KCNK2: variants seen among roughly 807,000 people sequenced by gnomAD.
The protein encoded by KCNK2 is potassium two pore domain channel subfamily K member 2, also known as potassium channel subfamily K member 2.
In KCNK2, 21 loss-of-function variants were observed where a neutral mutation model predicts 40.5. The observed-to-expected ratio is 0.52, with a 90% CI of 0.37 to 0.75. The LOEUF is 0.75. Ranked by LOEUF, KCNK2 falls within the 30% of genes least tolerant of loss-of-function variation. The pLI is 0.00. For synonymous variants in KCNK2, 191 were observed against 202.2 expected (o/e 0.94, Z 0.47); for missense variants, 399 against 531.6 (o/e 0.75, Z 2.45).
chr1:215,196,697 G>A (rs901445973), intron 6 of KCNK2, among the ~76,000 whole-genome samples: 3 of 152,082 alleles, frequency 2.0e-5, no homozygotes, highest in African/African-American at 7.2e-5. Context: ...TGTGGTGTGT[G>A]TGGGGGCGGT....
rs1659266256 is a variant in KCNK2 at position 215,083,373 on chromosome 1, T to C, written c.-13T>C. 2 of 1,614,134 alleles carry C rather than the reference T, an allele frequency of 1.2e-6. No individual in the cohort carries two copies. The highest frequency in any genetic ancestry group is 1.7e-6 in the Non-Finnish European group (2 of 1,180,004). On this transcript the variant is annotated 5_prime_UTR_variant, in exon 1 of 7. The change abolishes an upstream ATG in the 5' untranslated region. Coordinates refer to ENST00000444842, the MANE Select transcript of KCNK2 (RefSeq NM_001017425.3). ...CGTCTTTTTCAAAAAACATTTTGAATGCTGCATGCCTCATGCTTCCCAGCG... is the reference window on the plus strand; with the variant it reads ...CGTCTTTTTCAAAAAACATTTTGAACGCTGCATGCCTCATGCTTCCCAGCG...
At chr1:215,070,252 A>AG (rs1173631874) in intron 1 of KCNK2, among the ~76,000 whole-genome samples, 3 of 150,266 alleles carry the variant, frequency 2.0e-5, no homozygotes, top group Non-Finnish European at 4.4e-5. Context: ...CTGCTAAAAA[A>AG]AACACAAAAA....
chr1:215,190,136 GA>G (rs1176656371), intron 5 of KCNK2, among the ~76,000 whole-genome samples: 3 of 152,092 alleles, frequency 2.0e-5, no homozygotes, highest in African/African-American at 4.8e-5. Context: ...TTGTTATTCA[GA>G]AAAAAATTCA....
chr1:215,083,203 C>CCCCCCCCCCCCCCT lies in KCNK2; in HGVS notation c.-183_-182insCCCCCCCCCCCCCT. On this transcript the variant is annotated 5_prime_UTR_variant, in exon 1 of 7. Coordinates refer to ENST00000444842, the MANE Select transcript of KCNK2 (RefSeq NM_001017425.3). Reference sequence around the variant, plus strand: ...TCGTTTCTTCTCACGCTCCCCCCCCCGCCCCCTCCCGCGTCCAGCCCCGCT... The same window carrying CCCCCCCCCCCCCCT: ...TCGTTTCTTCTCACGCTCCCCCCCCCCCCCCCCCCCCCCTGCCCCCTCCCGCGTCCAGCCCCGCT... 5.0e-6 allele frequency: 4 copies of CCCCCCCCCCCCCCT among 804,900 alleles called. No homozygotes were observed. Among genetic ancestry groups the CCCCCCCCCCCCCCT allele is most frequent in the South Asian group, 1.5e-5 (1 of 65,590 alleles). The allele number at this position is 804,900 out of a possible 1,614,324, so 49.9% of individuals were successfully genotyped here. A position where few individuals can be genotyped will look rare whatever the true frequency, so the allele number is the denominator to read the frequency against.
intron 5 of KCNK2, among the ~76,000 whole-genome samples, chr1:215,190,693 A>G (rs546015187): frequency 3.3e-3 from 510 of 152,246 alleles, no homozygotes; most frequent in African/African-American, 0.012. Flanking sequence ...CATCAGCTTT[A>G]TTGCTGCAAA....
intron 1 of KCNK2, among the ~76,000 whole-genome samples, chr1:215,014,565 A>G (rs1656518194): frequency 1.3e-5 from 2 of 152,066 alleles, no homozygotes; most frequent in South Asian, 4.1e-4. Flanking sequence ...AGAAATATGT[A>G]ATAAAGAAAA....
At chr1:215,062,929 C>A (rs1461028561) in intron 1 of KCNK2, among the ~76,000 whole-genome samples, 1 of 151,894 alleles carries the variant, frequency 6.6e-6, no homozygotes, top group Non-Finnish European at 1.5e-5. Context: ...ACCAGAAAAC[C>A]AATGAGGACA....
chr1:215,083,296 T>G lies in KCNK2; in HGVS notation c.-90T>G. 6.4e-7 allele frequency: 1 copy of G among 1,562,910 alleles called. No homozygotes were observed. On this transcript the variant is annotated 5_prime_UTR_variant, in exon 1 of 7. Transcript: ENST00000444842. The stretch of plus-strand genomic sequence containing the variant: ...TGCAGCTCGGAGCGCGCAGCCCGTC[T>G]CTGAATAAGAAGTGAGTACAATGGC...
intron 5 of KCNK2, among the ~76,000 whole-genome samples, chr1:215,180,494 A>G (rs1054806064): frequency 6.6e-6 from 1 of 152,132 alleles, no homozygotes; most frequent in Admixed American, 6.6e-5. Context: ...GGTAGCAGGT[A>G]TCATTTCTTT....
At chr1:215,007,117 A>ATGTGTATATC in intron 1 of KCNK2, among the ~76,000 whole-genome samples, 1 of 120,256 alleles carries the variant, frequency 8.3e-6, no homozygotes, top group Admixed American at 8.3e-5. Context: ...ATGTGTGTAT[A>ATGTGTATATC]TATGTATATA....
At chr1:215,139,636 A>G (rs1392876375) in intron 3 of KCNK2, among the ~76,000 whole-genome samples, 1 of 152,160 alleles carries the variant, frequency 6.6e-6, no homozygotes, top group Non-Finnish European at 1.5e-5. Flanking sequence ...ATACAAAATT[A>G]GCTGGACTTG....
chr1:215,014,385 C>T (rs1217880970), intron 1 of KCNK2, among the ~76,000 whole-genome samples: 1 of 151,340 alleles, frequency 6.6e-6, no homozygotes, highest in Non-Finnish European at 1.5e-5. Flanking sequence ...TTCTGTACTG[C>T]CTTTCTCCTG....
chr1:215,181,522 AT>A (rs1185608572), intron 5 of KCNK2, among the ~76,000 whole-genome samples: 1 of 152,016 alleles, frequency 6.6e-6, no homozygotes, highest in African/African-American at 2.4e-5. Context: ...TGAATAGCAT[AT>A]TTTTATTTTT....
At chr1:215,197,703 T>C (rs1254735898) in intron 6 of KCNK2, among the ~76,000 whole-genome samples, 1 of 152,114 alleles carries the variant, frequency 6.6e-6, no homozygotes, top group Non-Finnish European at 1.5e-5. Flanking sequence ...ACTGATTTAT[T>C]CAAAATGAAA....
At chr1:215,113,181 C>T (rs767410520) in intron 2 of KCNK2, among the ~76,000 whole-genome samples, 12 of 151,964 alleles carry the variant, frequency 7.9e-5, no homozygotes, top group Admixed American at 1.3e-4. Flanking sequence ...AAATGTTCAC[C>T]GACGTTCAAC....
At chr1:215,074,438 T>C (rs1658863790) in intron 1 of KCNK2, among the ~76,000 whole-genome samples, 1 of 152,246 alleles carries the variant, frequency 6.6e-6, no homozygotes, top group Non-Finnish European at 1.5e-5. Flanking sequence ...GTCTTGTGAA[T>C]TCATTTTAGA....
At chr1:215,075,069 T>G (rs1658880466) in intron 1 of KCNK2, among the ~76,000 whole-genome samples, 1 of 152,212 alleles carries the variant, frequency 6.6e-6, no homozygotes, top group African/African-American at 2.4e-5. Flanking sequence ...GTACACTGGT[T>G]AAAGCACTAA....
intron 1 of KCNK2, among the ~76,000 whole-genome samples, chr1:215,031,131 A>G (rs1657175228): frequency 6.6e-6 from 1 of 152,006 alleles, no homozygotes. Flanking sequence ...CATTGTCTTA[A>G]TTACTGTAGC....
At chr1:215,043,755 C>T (rs1657645903) in intron 1 of KCNK2, among the ~76,000 whole-genome samples, 1 of 152,004 alleles carries the variant, frequency 6.6e-6, no homozygotes, top group Non-Finnish European at 1.5e-5. Flanking sequence ...GTATTTAATG[C>T]CATATACTGT....
Sources: gnomAD v4.1 joint callset for allele counts (sites outside exome capture counted in the v4.1 genomes callset) on GRCh38, gnomAD v4.1.1 for gene constraint, MANE v1.5 for transcripts, NCBI Gene and HGNC (gene_info 2026-07-23, HGNC 2026-07-21) for gene names.